The following HDAC9 variants were observed in gnomAD, a reference collection of about 807,000 sequenced individuals.
The protein encoded by HDAC9 is MEF-2 interacting transcription repressor (MITR) protein.
HDAC9 carries 41 observed loss-of-function variants against 139.4 expected under a neutral mutation model. That is an observed-to-expected ratio of 0.29 (90% CI 0.23 to 0.38). The LOEUF is 0.38. Among genes scored for constraint, HDAC9 ranks in the 10% least tolerant of loss-of-function variants. The pLI is 1.00. For missense variants in HDAC9, 1,147 were observed against 1,297.0 expected, an observed-to-expected ratio of 0.88 and a Z score of 1.78; for synonymous variants, 517 against 476.2, an observed-to-expected ratio of 1.09 and a Z score of -1.12.
intron 1 of HDAC9, among the ~76,000 whole-genome samples, chr7:18,449,050 T>G (rs1483758537): frequency 1.3e-5 from 2 of 152,148 alleles, no homozygotes; most frequent in Non-Finnish European, 2.9e-5. Context: ...CTGGCAAAAT[T>G]AAGCCCAAAA....
chr7:18,258,985 TTTTA>T (rs1795465245), intron 2 of HDAC9, among the ~76,000 whole-genome samples: 2 of 76,470 alleles, frequency 2.6e-5, no homozygotes, highest in Non-Finnish European at 2.6e-5. Context: ...TTTTTTTTTT[TTTTA>T]AACAGGGTCT....
At chr7:18,936,249 A>T (rs10266607) in intron 23 of HDAC9, among the ~76,000 whole-genome samples, 1 of 152,128 alleles carries the variant, frequency 6.6e-6, no homozygotes, top group Non-Finnish European at 1.5e-5. Context: ...ACTTTAAAAA[A>T]TGTCTGGAGG....
intron 1 of HDAC9, among the ~76,000 whole-genome samples, chr7:18,422,725 C>CTT (rs1789738056): frequency 7.5e-6 from 1 of 132,716 alleles, no homozygotes; most frequent in Admixed American, 8.6e-5. Flanking sequence ...CTGTCATTAG[C>CTT]TTTAAGACAC....
At chr7:18,347,863 C>T (rs992323172) in intron 1 of HDAC9, among the ~76,000 whole-genome samples, 15 of 152,284 alleles carry the variant, frequency 9.9e-5, no homozygotes, top group African/African-American at 3.6e-4. Flanking sequence ...AGGCACGAGC[C>T]ACTGCACCTG....
intron 2 of HDAC9, among the ~76,000 whole-genome samples, chr7:18,169,659 G>A (rs1319250625): frequency 6.6e-6 from 1 of 151,960 alleles, no homozygotes; most frequent in Non-Finnish European, 1.5e-5. Flanking sequence ...CCCGCCCTAT[G>A]TCCAAGTGTT....
At chr7:18,963,024 G>T (rs547670011) in intron 24 of HDAC9, among the ~76,000 whole-genome samples, 35 of 150,300 alleles carry the variant, frequency 2.3e-4, no homozygotes, top group African/African-American at 8.2e-4. Flanking sequence ...TGAGAACAAT[G>T]TTCTACCAGA....
chr7:18,262,958 G>T (rs73066378), intron 2 of HDAC9, among the ~76,000 whole-genome samples: 1 of 151,656 alleles, frequency 6.6e-6, no homozygotes, highest in African/African-American at 2.4e-5. Context: ...CAAAAAGACA[G>T]CATATAGAAA....
intron 2 of HDAC9, among the ~76,000 whole-genome samples, chr7:18,205,818 C>T (rs1237042199): frequency 6.6e-6 from 1 of 152,042 alleles, no homozygotes; most frequent in African/African-American, 2.4e-5. Context: ...TGACAGTCTA[C>T]AGGTAATTCA....
At chr7:18,495,127 G>C (rs77453186), upstream of HDAC9, among the ~76,000 whole-genome samples, 2,796 of 152,070 alleles carry the variant, frequency 0.018, 88 homozygotes, top group African/African-American at 0.064. Flanking sequence ...TTTTCCAAAA[G>C]TACCTCTGCT....
At chr7:18,625,579 C>A (rs1231815224) in intron 6 of HDAC9, among the ~76,000 whole-genome samples, 4 of 152,152 alleles carry the variant, frequency 2.6e-5, no homozygotes, top group Non-Finnish European at 5.9e-5. Flanking sequence ...GAAGAGAAAT[C>A]TTCCCTGGTT....
At position 18,936,072 on chromosome 7, in the gene HDAC9, A is replaced by G. The variant is rs371390040; in HGVS notation, c.2937+130A>G. ...TGCTCTTACCATTAAGAAAGAAGGTAAGCCTTAGATAAGTTTACATGTTCT... is the reference window on the plus strand; with the variant it reads ...TGCTCTTACCATTAAGAAAGAAGGTGAGCCTTAGATAAGTTTACATGTTCT... On this transcript the variant is annotated intron_variant, in intron 23 of 25. Transcript: ENST00000686413. 96 of 869,590 alleles carry G rather than the reference A, an allele frequency of 1.1e-4. No homozygotes were observed. The East Asian group carries it at 1.8e-3, about 16-fold the overall frequency. The allele number at this position is 869,590 out of a possible 1,614,324, so 53.9% of individuals were successfully genotyped here. A position where few individuals can be genotyped will look rare whatever the true frequency, so the allele number is the denominator to read the frequency against.
Position 18,762,272 on chromosome 7 carries a change from T to C in HDAC9, c.2159T>C (p.Leu720Pro). The C allele has an allele frequency of 6.2e-7, 1 of 1,613,422 alleles. No homozygotes were observed. The highest frequency in any genetic ancestry group is 8.5e-7 in the Non-Finnish European group (1 of 1,179,590). Reference protein sequence around the residue: ...LDGQKLDPRILLGDDSQKFFS... With the variant: ...LDGQKLDPRIPLGDDSQKFFS... ...GGACAGAAGCTGGACCCCAGGATAC[T>C]CCTAGGTCTGTACGGGCCTCCACTG... The change falls in exon 15 of 26, where the codon CTC (leucine) becomes CCC (proline). Residue 720 changes from leucine (L) to proline (P), a missense_variant. Physicochemically the swap from Leu to Pro is moderately conservative, Grantham distance 98. Coordinates refer to ENST00000686413, the MANE Select transcript of HDAC9 (RefSeq NM_178425.4).
chr7:18,145,956 C>G (rs1454974338), intron 1 of HDAC9, among the ~76,000 whole-genome samples: 1 of 151,948 alleles, frequency 6.6e-6, no homozygotes, highest in African/African-American at 2.4e-5. Context: ...GTCAATGGAA[C>G]AAGAGATGAT....
At chr7:18,900,508 T>C (rs766277789) in intron 22 of HDAC9, among the ~76,000 whole-genome samples, 21 of 152,176 alleles carry the variant, frequency 1.4e-4, no homozygotes, top group Non-Finnish European at 2.6e-4. Flanking sequence ...ATTGCCTTTC[T>C]GGCCCTCCCT....
chr7:18,642,321 G>A (rs962473693), intron 8 of HDAC9, among the ~76,000 whole-genome samples: 2 of 152,056 alleles, frequency 1.3e-5, no homozygotes, highest in Non-Finnish European at 2.9e-5. Flanking sequence ...CAGAGCCTGA[G>A]TTTGCTTCCT....
rs1207856247 is a variant in HDAC9, at chr7:18,579,972, T to C, written c.23-5309T>C. 3.3e-5 allele frequency among the ~76,000 whole-genome samples: 5 copies of C among 152,300 alleles called. No individual in the cohort carries two copies. The East Asian group carries it at 9.6e-4, about 29-fold the overall frequency. On this transcript the variant is annotated intron_variant, in intron 2 of 25. Transcript: ENST00000686413. ...TGGTTGGCATCTTGCTTAAGGCAGC[T>C]GATAAAGTAGCAACGAAAGAGTCCG...
At chr7:18,710,867 A>G (rs988208029) in intron 12 of HDAC9, among the ~76,000 whole-genome samples, 1 of 152,124 alleles carries the variant, frequency 6.6e-6, no homozygotes, top group Non-Finnish European at 1.5e-5. Flanking sequence ...GCCAGTGGGG[A>G]ATATATATAT....
rs920278296 is a variant in HDAC9, at chr7:18,495,985, G to T, written c.-80G>T. On this transcript the variant is annotated 5_prime_UTR_variant, in exon 1 of 26. Coordinates refer to ENST00000686413, the MANE Select transcript of HDAC9 (RefSeq NM_178425.4). ...TCCGGGATAACCTAAACTCCAGAGAGCTATAGCATCCACTCTGTCCTTTCT... is the reference window on the plus strand; with the variant it reads ...TCCGGGATAACCTAAACTCCAGAGATCTATAGCATCCACTCTGTCCTTTCT... The T allele has an allele frequency of 5.6e-5, 76 of 1,367,086 alleles. No individual in the cohort carries two copies. The African/African-American group carries it at 1.1e-3, about 20-fold the overall frequency. 84.7% of individuals were successfully genotyped at this position (1,367,086 alleles called of 1,614,324 possible). A position where few individuals can be genotyped will look rare whatever the true frequency, so the allele number is the denominator to read the frequency against.
chr7:18,115,496 A>G (rs954935306), intron 1 of HDAC9, among the ~76,000 whole-genome samples: 7 of 152,228 alleles, frequency 4.6e-5, no homozygotes, highest in Admixed American at 2.0e-4. Flanking sequence ...TGAAAATACA[A>G]TGAGATATAA....
Sources: gnomAD v4.1 joint callset for allele counts (sites outside exome capture counted in the v4.1 genomes callset) on GRCh38, gnomAD v4.1.1 for gene constraint, MANE v1.5 for transcripts, NCBI Gene and HGNC (gene_info 2026-07-23, HGNC 2026-07-21) for gene names.